Variants in MRPL37 observed in about 807,000 individuals in gnomAD.
The protein encoded by MRPL37 is large ribosomal subunit protein mL37.
A neutral mutation model predicts 44.1 loss-of-function variants in MRPL37; 34 were observed. That is an observed-to-expected ratio of 0.77 (90% CI 0.59 to 1.03). The LOEUF is 1.03. Ranked by LOEUF, MRPL37 falls within the 50% of genes least tolerant of loss-of-function variation. MRPL37 has a pLI of 0.00. For synonymous variants in MRPL37, 212 were observed against 219.5 expected (o/e 0.97, Z 0.30); for missense variants, 532 against 543.7 (o/e 0.98, Z 0.21).
At chr1:54,206,992 A>G (rs950072537) in intron 3 of MRPL37, among the ~76,000 whole-genome samples, 1 of 151,998 alleles carries the variant, frequency 6.6e-6, no homozygotes, top group Admixed American at 6.6e-5. Context: ...ACCTCAGGCA[A>G]TCCACCCGCC....
chr1:54,219,097 A>G (rs1323303745), downstream of MRPL37, among the ~76,000 whole-genome samples: 1 of 152,232 alleles, frequency 6.6e-6, no homozygotes, highest in African/African-American at 2.4e-5. Context: ...GGCGGGCCCA[A>G]GCTCAGTGTG....
In MRPL37 at chr1:54,200,508, C is replaced by A. The variant is rs1421160266; in HGVS notation, c.265C>A (p.Arg89Ser). Residue 89 changes from arginine (R) to serine (S), a missense_variant, in exon 1 of 7, where the codon CGC becomes AGC. By Grantham distance (110) the Arg-to-Ser change is moderately radical. Transcript: ENST00000360840. ...DRGYKDPRFY[R>S]SPPLHEHPLY... ...CGGCTACAAGGACCCAAGGTTCTACCGCTCGCCCCCTCTTCACGAGCATCC... is the reference window on the plus strand; with the variant it reads ...CGGCTACAAGGACCCAAGGTTCTACAGCTCGCCCCCTCTTCACGAGCATCC... 1.1e-5 allele frequency: 18 copies of A among 1,614,168 alleles called. No individual in the cohort carries two copies. The African/African-American group carries it at 1.7e-4, about 16-fold the overall frequency.
In MRPL37 at chr1:54,209,990, A is replaced by C. The variant is rs568920280; in HGVS notation, c.691A>C (p.Ser231Arg). The C allele has an allele frequency of 1.1e-5, 17 of 1,614,202 alleles. No homozygotes were observed. The East Asian group carries it at 2.2e-4, about 21-fold the overall frequency. Reference sequence around the variant, plus strand: ...CCGTGGTTCTGGTGGAGCCCGACTGAGCACTAAGGATCCTCTGCCCACCAT... The same window carrying C: ...CCGTGGTTCTGGTGGAGCCCGACTGCGCACTAAGGATCCTCTGCCCACCAT... Reference protein sequence around the residue: ...QVRGSGGARLSTKDPLPTIAS... With the variant: ...QVRGSGGARLRTKDPLPTIAS... Residue 231 changes from serine to arginine, a missense_variant, in exon 4 of 7, where the codon AGC (serine) becomes CGC (arginine). By Grantham distance (110) the Ser-to-Arg change is moderately radical. Transcript: ENST00000360840.
intron 1 of MRPL37, among the ~76,000 whole-genome samples, chr1:54,201,040 A>C (rs1395521868): frequency 2.6e-5 from 4 of 152,220 alleles, no homozygotes; most frequent in Non-Finnish European, 1.5e-5. Context: ...TCACCTCTTA[A>C]GCCCATGACT....
intron 6 of MRPL37, among the ~76,000 whole-genome samples, chr1:54,216,756 G>A (rs1644200762): frequency 6.6e-6 from 1 of 152,036 alleles, no homozygotes; most frequent in African/African-American, 2.4e-5. Flanking sequence ...GACCACCACC[G>A]TCCCCATCCC....
chr1:54,217,278 G>C (rs776007592), intron 6 of MRPL37, among the ~76,000 whole-genome samples: 15 of 152,220 alleles, frequency 9.9e-5, no homozygotes, highest in Non-Finnish European at 1.9e-4. Context: ...TGAAATGCCT[G>C]CTGGGTCTGT....
chr1:54,206,411 CTGTT>C (rs1419187225), intron 3 of MRPL37, among the ~76,000 whole-genome samples: 1 of 149,658 alleles, frequency 6.7e-6, no homozygotes, highest in East Asian at 2.0e-4. Context: ...AACGCCCGGC[CTGTT>C]TGTTTATTTT....
chr1:54,224,384 G>A (rs760531295), downstream of MRPL37, among the ~76,000 whole-genome samples: 20 of 152,144 alleles, frequency 1.3e-4, no homozygotes, highest in Non-Finnish European at 2.2e-4. Context: ...CACTTGTAGC[G>A]AACACATGCT....
intron 5 of MRPL37, among the ~76,000 whole-genome samples, chr1:54,213,432 T>C (rs925968612): frequency 6.6e-6 from 1 of 152,220 alleles, no homozygotes; most frequent in Non-Finnish European, 1.5e-5. Flanking sequence ...GGAAAAGTAC[T>C]GTTTCCCATC....
chr1:54,210,418 T>C (rs1167536170), intron 4 of MRPL37, among the ~76,000 whole-genome samples: 2 of 152,198 alleles, frequency 1.3e-5, no homozygotes, highest in African/African-American at 4.8e-5. Flanking sequence ...GACTTTTTTT[T>C]TTCTTCAGCA....
At position 54,209,953 on chromosome 1, in the gene MRPL37, TCTC is replaced by T. The variant is rs751691987; in HGVS notation, c.657_659del (p.Leu220del). ...CATTTTTCTCCCTTTTAGAGTCTCT[TCTC>T]CTTCAAGTCCGTGGTTCTGGTGGAG... On this transcript the variant is annotated inframe_deletion, in exon 4 of 7. Transcript: ENST00000360840. The T allele has an allele frequency of 3.2e-5, 52 of 1,613,954 alleles. No individual in the cohort carries two copies. Among genetic ancestry groups the T allele is most frequent in the African/African-American group, 5.3e-5 (4 of 74,916 alleles).
chr1:54,207,824 G>A (rs1317859223), intron 3 of MRPL37, among the ~76,000 whole-genome samples: 1 of 152,214 alleles, frequency 6.6e-6, no homozygotes, highest in East Asian at 1.9e-4. Context: ...TACCTATCCA[G>A]TAAGGGAGGC....
chr1:54,209,613 C>T (rs1644149259), intron 3 of MRPL37, among the ~76,000 whole-genome samples: 1 of 151,960 alleles, frequency 6.6e-6, no homozygotes, highest in Admixed American at 6.6e-5. Context: ...GTGCCAGCCA[C>T]CATGCCCGGC....
chr1:54,206,205 C>T (rs1033374233), intron 3 of MRPL37, among the ~76,000 whole-genome samples: 11 of 152,032 alleles, frequency 7.2e-5, no homozygotes, highest in African/African-American at 1.7e-4. Flanking sequence ...CTCCACCTCC[C>T]GGGTTCACGC....
chr1:54,206,090 G>GTTTA (rs201533443), intron 3 of MRPL37, among the ~76,000 whole-genome samples: 1,698 of 151,626 alleles, frequency 0.011, 13 homozygotes, highest in Non-Finnish European at 0.015. Context: ...TTTTATTTTT[G>GTTTA]TTTATTTATT....
intron 6 of MRPL37, among the ~76,000 whole-genome samples, 173 bp downstream of exon 6, chr1:54,216,517 T>C (rs1300745470): frequency 6.6e-6 from 1 of 152,148 alleles, no homozygotes; most frequent in Non-Finnish European, 1.5e-5. Flanking sequence ...CCTAAGGCCC[T>C]GCCCAGTGCT....
intron 3 of MRPL37, chr1:54,207,552 A>T (rs996062866): frequency 1.3e-5 from 2 of 152,196 alleles, no homozygotes; most frequent in African/African-American, 4.8e-5. Flanking sequence ...ATAGAGGAGT[A>T]CTTGGCCCAT....
intron 5 of MRPL37, among the ~76,000 whole-genome samples, chr1:54,214,127 G>A (rs547361207): frequency 3.8e-4 from 58 of 152,212 alleles, no homozygotes; most frequent in Non-Finnish European, 7.5e-4. Context: ...AGGCTGCAGT[G>A]AGCTGAAAGA....
At chr1:54,210,610 ACCATGTACTCCG>A (rs1373484382) in intron 4 of MRPL37, among the ~76,000 whole-genome samples, 1 of 152,168 alleles carries the variant, frequency 6.6e-6, no homozygotes, top group African/African-American at 2.4e-5. Context: ...GCAAGGGACC[ACCATGTACTCCG>A]TCAGGCAAGA....
Sources: gnomAD v4.1 joint callset for allele counts (sites outside exome capture counted in the v4.1 genomes callset) on GRCh38, gnomAD v4.1.1 for gene constraint, MANE v1.5 for transcripts, NCBI Gene and HGNC (gene_info 2026-07-23, HGNC 2026-07-21) for gene names.